NUFIP1: variants seen among roughly 807,000 people sequenced by gnomAD.
NUFIP1 encodes the protein FMR1-interacting protein NUFIP1.
NUFIP1 carries 38 observed loss-of-function variants against 56.2 expected under a neutral mutation model. The ratio of observed to expected loss-of-function variants is 0.68; its 90% confidence interval spans 0.52 to 0.89. NUFIP1 has a LOEUF of 0.89. Among genes scored for constraint, NUFIP1 ranks in the 40% least tolerant of loss-of-function variants. The pLI, the probability that NUFIP1 is intolerant of heterozygous loss-of-function variation, is 0.00. For missense variants in NUFIP1, 567 were observed against 605.8 expected (o/e 0.94, Z 0.67); for synonymous variants, 215 against 212.4 (o/e 1.01, Z -0.10).
chr13:44,979,969 GA>G lies in NUFIP1; in HGVS notation c.595-18del, dbSNP rs754645264. The G allele has an allele frequency of 1.2e-3, 1,749 of 1,457,244 alleles. 10 individuals carry two copies. In the African/African-American group the frequency reaches 0.015, roughly 12 times the overall value. The allele number at this position is 1,457,244 out of a possible 1,614,324, so 90.3% of individuals were successfully genotyped here. A position where few individuals can be genotyped will look rare whatever the true frequency, so the allele number is the denominator to read the frequency against. On this transcript the variant is annotated intron_variant, in intron 3 of 9. Transcript: ENST00000379161. ...TTCAGGGCACTATGAGTTTTTAAAA[GA>G]AAAAAAAAACTATTTAACAAATGTT...
At chr13:44,980,008 T>G (rs1447405851) in intron 3 of NUFIP1, 56 bp from the exon 4 acceptor site, 2 of 1,295,944 alleles carry the variant, frequency 1.5e-6, no homozygotes, top group Non-Finnish European at 2.2e-6. Flanking sequence ...CCATGTTAAA[T>G]TTACCCCACT....
At chr13:44,969,399 A>C (rs545075364) in intron 5 of NUFIP1, among the ~76,000 whole-genome samples, 1 of 152,280 alleles carries the variant, frequency 6.6e-6, no homozygotes, top group African/African-American at 2.4e-5. Context: ...GAAATAACAA[A>C]TCCAAAGACT....
At chr13:44,966,034 C>T (rs1871589515) in intron 5 of NUFIP1, 98 bp from the exon 6 acceptor site, 3 of 522,296 alleles carry the variant, frequency 5.7e-6, no homozygotes, top group African/African-American at 4.0e-5. Context: ...TGTTTAACAC[C>T]TAACACAGCA....
In NUFIP1 at chr13:44,982,156, T is replaced by TAA. The variant is rs545776140; in HGVS notation, c.413-4_413-3dup. 119 of 1,143,258 alleles carry TAA rather than the reference T, an allele frequency of 1.0e-4. No homozygotes were observed. Among genetic ancestry groups the TAA allele is most frequent in the South Asian group, 1.6e-4 (8 of 50,784 alleles). The allele number at this position is 1,143,258 out of a possible 1,614,324, so 70.8% of individuals were successfully genotyped here. A position where few individuals can be genotyped will look rare whatever the true frequency, so the allele number is the denominator to read the frequency against. On this transcript the variant is annotated splice_region_variant and splice_polypyrimidine_tract_variant and intron_variant, in intron 1 of 9. Transcript: ENST00000379161. The stretch of plus-strand genomic sequence containing the variant: ...TTCGTGGATAATAAGAATTTTTAAC[T>TAA]AAAAAAAAAAAGATCCATAAATGTT...
At position 44,975,745 on chromosome 13, in the gene NUFIP1, T is replaced by C. The variant is rs79587962; in HGVS notation, c.734+3445A>G. On this transcript the variant is annotated intron_variant, in intron 5 of 9. Transcript: ENST00000379161. ...ACTAGATGAAGTCCCCTTCCTCTTATATGCTGAGCAAGGGAATAGCAGAGG... is the reference window on the plus strand; with the variant it reads ...ACTAGATGAAGTCCCCTTCCTCTTACATGCTGAGCAAGGGAATAGCAGAGG... 6.0e-4 allele frequency among the ~76,000 whole-genome samples: 91 copies of C among 152,322 alleles called. No homozygotes were observed. In the East Asian group the frequency reaches 0.017, roughly 28 times the overall value.
At chr13:44,973,248 T>TG (rs1188845412) in intron 5 of NUFIP1, among the ~76,000 whole-genome samples, 1 of 151,182 alleles carries the variant, frequency 6.6e-6, no homozygotes. Context: ...GTCCCAGTGA[T>TG]GGTCTACCCT....
Position 44,948,047 on chromosome 13 carries a change from G to A in NUFIP1, c.1138+1675C>T, listed in dbSNP as rs577942981. On this transcript the variant is annotated intron_variant, in intron 8 of 9. Transcript: ENST00000379161. ...CCATTTTTCATATTAAAGCCTAACG[G>A]CTCCTTATTCAACATCTTCCAAATA... Among the ~76,000 whole-genome samples the A allele has an allele frequency of 5.3e-5, 8 of 151,678 alleles. No homozygotes were observed. In the East Asian group the frequency reaches 5.8e-4, roughly 11 times the overall value.
intron 8 of NUFIP1, among the ~76,000 whole-genome samples, chr13:44,945,714 C>A (rs1294591100): frequency 1.3e-5 from 2 of 151,894 alleles, no homozygotes; most frequent in South Asian, 2.1e-4. Context: ...AGGAGAAAAA[C>A]CATATGAACA....
At chr13:44,948,674 G>C (rs1870974634) in intron 8 of NUFIP1, among the ~76,000 whole-genome samples, 1 of 152,098 alleles carries the variant, frequency 6.6e-6, no homozygotes, top group African/African-American at 2.4e-5. Flanking sequence ...ATAAACCTTG[G>C]ATTAAAAACT....
At chr13:44,971,212 A>C (rs1871793884) in intron 5 of NUFIP1, among the ~76,000 whole-genome samples, 1 of 152,190 alleles carries the variant, frequency 6.6e-6, no homozygotes, top group Admixed American at 6.5e-5. Context: ...AGCACTTACT[A>C]AACAAAGCAA....
intron 7 of NUFIP1, among the ~76,000 whole-genome samples, chr13:44,954,225 G>C (rs1871158561): frequency 6.6e-6 from 1 of 152,140 alleles, no homozygotes; most frequent in Non-Finnish European, 1.5e-5. Flanking sequence ...GACAGAACCA[G>C]ACTTTAGCAT....
intron 5 of NUFIP1, among the ~76,000 whole-genome samples, chr13:44,969,087 TA>T (rs1871715648): frequency 1.3e-5 from 2 of 152,198 alleles, no homozygotes; most frequent in African/African-American, 4.8e-5. Flanking sequence ...ATCATGTTCC[TA>T]AAAGTAAGAT....
At chr13:44,959,857 G>A (rs973040788) in intron 6 of NUFIP1, among the ~76,000 whole-genome samples, 2 of 151,464 alleles carry the variant, frequency 1.3e-5, no homozygotes, top group Admixed American at 6.6e-5. Context: ...GGGCTGTGTC[G>A]TATTATCATT....
At position 44,988,650 on chromosome 13, in the gene NUFIP1, C is replaced by T. The variant is rs552045741; in HGVS notation, c.412+375G>A. On this transcript the variant is annotated intron_variant, in intron 1 of 9. Transcript: ENST00000379161. ...ACTGCTATATACCCAGATTCTGGTA[C>T]ATAGTCGGAATTCAATAAATAACTG... Among the ~76,000 whole-genome samples the T allele has an allele frequency of 5.3e-5, 8 of 152,258 alleles. No homozygotes were observed. The South Asian group carries it at 1.7e-3, about 32-fold the overall frequency.
At chr13:44,958,391 T>C (rs1199693362) in intron 7 of NUFIP1, among the ~76,000 whole-genome samples, 1 of 152,224 alleles carries the variant, frequency 6.6e-6, no homozygotes, top group African/African-American at 2.4e-5. Flanking sequence ...ATATAAAGCA[T>C]ATAGAGCTCA....
chr13:44,965,981 A>C, intron 5 of NUFIP1, 45 bp from the exon 6 acceptor site: 1 of 1,148,412 alleles, frequency 8.7e-7, no homozygotes, highest in Non-Finnish European at 1.2e-6. Flanking sequence ...TTTAGAGTAC[A>C]ATTTTAAATA....
intron 6 of NUFIP1, among the ~76,000 whole-genome samples, chr13:44,965,200 T>C (rs1198841820): frequency 2.0e-5 from 3 of 152,210 alleles, no homozygotes; most frequent in Non-Finnish European, 4.4e-5. Context: ...CTCCTGTCTC[T>C]GCCTGCTGCC....
Position 44,943,621 on chromosome 13 carries a change from T to C in NUFIP1, c.1192A>G (p.Ser398Gly), listed in dbSNP as rs746125812. 10 of 1,613,990 alleles carry C rather than the reference T, an allele frequency of 6.2e-6. No individual in the cohort carries two copies. In the African/African-American group the frequency reaches 9.3e-5, roughly 15 times the overall value. Residue 398 changes from serine to glycine, a missense_variant, in exon 9 of 10, where the codon AGC (serine) becomes GGC (glycine). Coordinates refer to ENST00000379161, the MANE Select transcript of NUFIP1 (RefSeq NM_012345.3). Reference sequence around the variant, plus strand: ...TGACTTGGACTCTTAGGAGCACTGCTATCAAGAACCTGGTTTTCTGCCAAA... The same window carrying C: ...TGACTTGGACTCTTAGGAGCACTGCCATCAAGAACCTGGTTTTCTGCCAAA... ...DVLAENQVLDSSAPKSPSQDV... is the reference protein window; with the variant it reads ...DVLAENQVLDGSAPKSPSQDV...
At chr13:44,985,333 A>C (rs182926994) in intron 1 of NUFIP1, among the ~76,000 whole-genome samples, 1 of 152,102 alleles carries the variant, frequency 6.6e-6, no homozygotes, top group African/African-American at 2.4e-5. Context: ...TTGGCAAAAA[A>C]ACTTTAAATT....
Sources: gnomAD v4.1 joint callset for allele counts (sites outside exome capture counted in the v4.1 genomes callset) on GRCh38, gnomAD v4.1.1 for gene constraint, MANE v1.5 for transcripts, NCBI Gene and HGNC (gene_info 2026-07-23, HGNC 2026-07-21) for gene names.